The following GUCY1A2 variants were observed in gnomAD, a reference collection of about 807,000 sequenced individuals.
GUCY1A2 encodes guanylate cyclase soluble subunit alpha-2.
Under a neutral mutation model 63.5 loss-of-function variants are expected in GUCY1A2, and 27 were observed. That is an observed-to-expected ratio of 0.43 (90% CI 0.31 to 0.59). GUCY1A2 has a LOEUF of 0.59. Ranked by LOEUF, GUCY1A2 falls within the 20% of genes least tolerant of loss-of-function variation. The pLI is 0.11. For synonymous variants in GUCY1A2, 364 were observed against 343.5 expected (o/e 1.06, Z -0.66); for missense variants, 768 against 913.3 (o/e 0.84, Z 2.05).
At chr11:106,843,825 A>C (rs1430183205) in intron 4 of GUCY1A2, among the ~76,000 whole-genome samples, 1 of 151,770 alleles carries the variant, frequency 6.6e-6, no homozygotes, top group Non-Finnish European at 1.5e-5. Context: ...TCTCCTTCCT[A>C]TCCTTATTTT....
At chr11:106,757,456 T>C (rs1863994469) in intron 6 of GUCY1A2, among the ~76,000 whole-genome samples, 1 of 152,220 alleles carries the variant, frequency 6.6e-6, no homozygotes, top group African/African-American at 2.4e-5. Context: ...TTTTCAACCT[T>C]TTTTCATTGG....
chr11:106,761,285 A>ATGTT (rs1864061913), intron 6 of GUCY1A2, among the ~76,000 whole-genome samples: 1 of 152,206 alleles, frequency 6.6e-6, no homozygotes, highest in South Asian at 2.1e-4. Flanking sequence ...AGCTTACAAA[A>ATGTT]TGTTAGTTAT....
intron 4 of GUCY1A2, among the ~76,000 whole-genome samples, chr11:106,909,764 A>ATC (rs1400731373): frequency 1.3e-5 from 2 of 151,944 alleles, no homozygotes; most frequent in Non-Finnish European, 2.9e-5. Context: ...AGTTAAGGAA[A>ATC]TCTGGGTTGC....
intron 6 of GUCY1A2, among the ~76,000 whole-genome samples, chr11:106,750,138 ACTGG>A (rs1863858686): frequency 6.6e-6 from 1 of 152,248 alleles, no homozygotes; most frequent in Admixed American, 6.5e-5. Context: ...TGGGGAAGCC[ACTGG>A]TGCAAGTCAC....
At chr11:106,779,618 C>G (rs865888132) in intron 5 of GUCY1A2, among the ~76,000 whole-genome samples, 2 of 151,592 alleles carry the variant, frequency 1.3e-5, no homozygotes, top group African/African-American at 2.4e-5. Flanking sequence ...ATGTCTATCA[C>G]CATCATCATC....
At chr11:106,977,283 A>C (rs1861275308) in intron 3 of GUCY1A2, among the ~76,000 whole-genome samples, 1 of 152,156 alleles carries the variant, frequency 6.6e-6, no homozygotes, top group Non-Finnish European at 1.5e-5. Flanking sequence ...TAAAATCAGA[A>C]AACTTTAAAC....
At chr11:106,869,604 G>A (rs1418060880) in intron 4 of GUCY1A2, among the ~76,000 whole-genome samples, 2 of 151,762 alleles carry the variant, frequency 1.3e-5, no homozygotes, top group Non-Finnish European at 2.9e-5. Context: ...AAAGTCAGGA[G>A]CAACAGGTGC....
chr11:106,692,791 CAA>C (rs891147481), intron 7 of GUCY1A2, among the ~76,000 whole-genome samples: 3 of 152,126 alleles, frequency 2.0e-5, no homozygotes, highest in African/African-American at 7.2e-5. Context: ...GAGAGGGAAA[CAA>C]GAGAATTTTG....
In GUCY1A2 at chr11:106,678,596, A is replaced by C. The variant is rs1862383613; in HGVS notation, c.*8953T>G. ...GAATTGAGGTTTCATTGGGTATGGA[A>C]ATGCATAGTTTCTTACTAGTCAGAG... On this transcript the variant is annotated 3_prime_UTR_variant, in exon 8 of 8. Transcript: ENST00000526355. 4.7e-6 allele frequency: 1 copy of C among 210,784 alleles called. No homozygotes were observed. Among genetic ancestry groups the C allele is most frequent in the African/African-American group, 2.3e-5 (1 of 44,110 alleles). The allele number at this position is 210,784 out of a possible 1,614,324, so 13.1% of individuals were successfully genotyped here.
chr11:106,875,121 T>C (rs570421752), intron 4 of GUCY1A2, among the ~76,000 whole-genome samples: 35 of 152,290 alleles, frequency 2.3e-4, no homozygotes, highest in African/African-American at 8.4e-4. Flanking sequence ...AATTAAATAT[T>C]TTTCCTTTAG....
At chr11:106,903,184 TAATA>T (rs1159663421) in intron 4 of GUCY1A2, among the ~76,000 whole-genome samples, 2 of 152,080 alleles carry the variant, frequency 1.3e-5, no homozygotes, top group Non-Finnish European at 2.9e-5. Context: ...AAATATTATC[TAATA>T]ATTATTACAT....
chr11:106,902,995 CTA>C (rs1302828311), intron 4 of GUCY1A2, among the ~76,000 whole-genome samples: 5 of 152,112 alleles, frequency 3.3e-5, no homozygotes, highest in African/African-American at 1.2e-4. Context: ...GATTATGAAT[CTA>C]TGTCTTGCAA....
At chr11:106,795,640 T>C (rs879658941) in intron 5 of GUCY1A2, among the ~76,000 whole-genome samples, 17 of 152,168 alleles carry the variant, frequency 1.1e-4, no homozygotes, top group Non-Finnish European at 2.2e-4. Context: ...AACTTGAAAG[T>C]CATGTTACCC....
chr11:106,820,434 T>TATCA (rs1469334212), intron 4 of GUCY1A2, among the ~76,000 whole-genome samples: 2 of 152,152 alleles, frequency 1.3e-5, no homozygotes, highest in African/African-American at 2.4e-5. Context: ...AGTCTCACTC[T>TATCA]ATCACCCAGG....
At chr11:106,994,848 A>G (rs1861514885) in intron 1 of GUCY1A2, among the ~76,000 whole-genome samples, 1 of 152,210 alleles carries the variant, frequency 6.6e-6, no homozygotes, top group Non-Finnish European at 1.5e-5. Context: ...TGGAATGAAA[A>G]TGAGATTGTT....
chr11:106,921,667 T>C (rs1269477669), intron 4 of GUCY1A2, among the ~76,000 whole-genome samples: 2 of 152,078 alleles, frequency 1.3e-5, no homozygotes, highest in Non-Finnish European at 2.9e-5. Context: ...TTTTACCCCC[T>C]AGGGCTGTTG....
chr11:106,965,095 CAG>C (rs1298639552), intron 3 of GUCY1A2, among the ~76,000 whole-genome samples: 2 of 150,778 alleles, frequency 1.3e-5, no homozygotes, highest in South Asian at 4.2e-4. Context: ...TTTTAGGAAA[CAG>C]AGGTGGTTCT....
chr11:106,899,571 T>C (rs1860098117), intron 4 of GUCY1A2, among the ~76,000 whole-genome samples: 1 of 152,190 alleles, frequency 6.6e-6, no homozygotes, highest in African/African-American at 2.4e-5. Context: ...AACCTGTTGT[T>C]TAGTCTAACT....
chr11:106,702,395 T>C (rs141755897), intron 7 of GUCY1A2, among the ~76,000 whole-genome samples: 46 of 152,250 alleles, frequency 3.0e-4, no homozygotes, highest in African/African-American at 1.1e-3. Flanking sequence ...AAAGAGAAAT[T>C]AAATATTATA....
Sources: allele counts gnomAD v4.1 joint callset (sites outside exome capture counted in the v4.1 genomes callset), GRCh38; gene constraint gnomAD v4.1.1; transcripts MANE v1.5; gene names NCBI Gene and HGNC (gene_info 2026-07-23, HGNC 2026-07-21).